The following NR6A1 variants were observed in gnomAD, a reference collection of about 807,000 sequenced individuals.
NR6A1 encodes the protein nuclear receptor subfamily 6 group A member 1.
NR6A1 carries 7 observed loss-of-function variants against 59.1 expected under a neutral mutation model. The observed-to-expected ratio is 0.12, with a 90% CI of 0.07 to 0.22. NR6A1 has a LOEUF of 0.22. NR6A1 is among the 10% of genes least tolerant of loss of function. NR6A1 has a pLI of 1.00. For missense variants in NR6A1, 468 were observed against 611.6 expected (o/e 0.77, Z 2.48); for synonymous variants, 243 against 236.1 (o/e 1.03, Z -0.27).
intron 2 of NR6A1, among the ~76,000 whole-genome samples, chr9:124,694,215 CTA>C (rs1838665669): frequency 6.6e-6 from 1 of 152,038 alleles, no homozygotes; most frequent in Non-Finnish European, 1.5e-5. Flanking sequence ...AATATCATAA[CTA>C]GAATTTATTT....
chr9:124,628,807 A>AT (rs1463496568), intron 2 of NR6A1, among the ~76,000 whole-genome samples: 1 of 151,952 alleles, frequency 6.6e-6, no homozygotes, highest in East Asian at 1.9e-4. Flanking sequence ...CGCCCGGCTA[A>AT]TTTTTTTGTT....
chr9:124,553,029 C>G (rs1833820384), intron 3 of NR6A1, among the ~76,000 whole-genome samples: 1 of 152,170 alleles, frequency 6.6e-6, no homozygotes, highest in African/African-American at 2.4e-5. Context: ...CCCCTAATAC[C>G]TTGCTGGGTA....
chr9:124,768,423 T>C (rs1841001623), intron 1 of NR6A1, among the ~76,000 whole-genome samples: 1 of 152,256 alleles, frequency 6.6e-6, no homozygotes, highest in South Asian at 2.1e-4. Flanking sequence ...TTGGCAATTC[T>C]TCTGTGAGCA....
Position 124,540,163 on chromosome 9 carries a change from T to A in NR6A1, c.466A>T (p.Ile156Phe). ...VQISEEEIER[I>F]MSGQEFEEEA... ...TCCTCAAACTCCTGCCCAGACATGA[T>A]CCTTTCGATTTCTTCTTCCGATATC... Residue 156 changes from isoleucine (I) to phenylalanine (F), a missense_variant, in exon 5 of 10, where the codon ATC becomes TTC. Transcript: ENST00000487099. 2 of 1,613,682 alleles carry A rather than the reference T, an allele frequency of 1.2e-6. No individual in the cohort carries two copies. The highest frequency in any genetic ancestry group is 1.7e-6 in the Non-Finnish European group (2 of 1,179,806).
At chr9:124,548,581 G>C (rs1261027939) in intron 3 of NR6A1, among the ~76,000 whole-genome samples, 1 of 152,142 alleles carries the variant, frequency 6.6e-6, no homozygotes, top group East Asian at 1.9e-4. Context: ...ATTTCTTTAA[G>C]ATTCTGCTCA....
chr9:124,628,665 G>C (rs1007596429), intron 2 of NR6A1, among the ~76,000 whole-genome samples: 2 of 150,814 alleles, frequency 1.3e-5, no homozygotes, highest in African/African-American at 2.4e-5. Context: ...TAAAGAGATG[G>C]AGTCTTGCTC....
At chr9:124,619,826 C>T (rs1236409046) in intron 2 of NR6A1, among the ~76,000 whole-genome samples, 1 of 152,126 alleles carries the variant, frequency 6.6e-6, no homozygotes, top group African/African-American at 2.4e-5. Flanking sequence ...CTTTGGGAGG[C>T]CGAGGCAGGT....
intron 2 of NR6A1, among the ~76,000 whole-genome samples, chr9:124,645,081 T>C (rs1342485120): frequency 1.3e-5 from 2 of 152,204 alleles, no homozygotes; most frequent in African/African-American, 4.8e-5. Flanking sequence ...GGATTGGTTA[T>C]AAATATATAC....
chr9:124,723,952 T>C (rs923820874), intron 2 of NR6A1, among the ~76,000 whole-genome samples: 4 of 152,198 alleles, frequency 2.6e-5, no homozygotes, highest in African/African-American at 9.6e-5. Flanking sequence ...TCATTCGAAA[T>C]GCAGACAAAA....
At chr9:124,656,551 C>T (rs1033365566) in intron 2 of NR6A1, among the ~76,000 whole-genome samples, 62 of 152,102 alleles carry the variant, frequency 4.1e-4, no homozygotes, top group African/African-American at 1.4e-3. Flanking sequence ...CAGACAGAGG[C>T]TAGGCACGGT....
intron 2 of NR6A1, among the ~76,000 whole-genome samples, chr9:124,727,438 AT>A (rs1360867569): frequency 3.3e-5 from 5 of 152,190 alleles, no homozygotes; most frequent in African/African-American, 1.2e-4. Context: ...CATTTGGAAG[AT>A]TTTTAAACTT....
chr9:124,617,010 A>T (rs1048325678), intron 2 of NR6A1, among the ~76,000 whole-genome samples: 2 of 152,214 alleles, frequency 1.3e-5, no homozygotes, highest in Non-Finnish European at 2.9e-5. Flanking sequence ...ACAAAAATAT[A>T]CGTATAAGGC....
chr9:124,534,565 G>C (rs1833197293), intron 7 of NR6A1, among the ~76,000 whole-genome samples: 1 of 152,132 alleles, frequency 6.6e-6, no homozygotes, highest in Non-Finnish European at 1.5e-5. Flanking sequence ...AAGGATACTG[G>C]ACAGCTGGGA....
At chr9:124,565,184 T>G (rs2131412079) in intron 2 of NR6A1, among the ~76,000 whole-genome samples, 1 of 152,126 alleles carries the variant, frequency 6.6e-6, no homozygotes, top group Non-Finnish European at 1.5e-5. Flanking sequence ...ATCCCAGCAC[T>G]TTGGGAGGCT....
chr9:124,619,973 A>G (rs948967748), intron 2 of NR6A1, among the ~76,000 whole-genome samples: 5 of 152,188 alleles, frequency 3.3e-5, no homozygotes, highest in Admixed American at 6.5e-5. Context: ...AGGCAGAAGA[A>G]TCGTTTGAAC....
At chr9:124,654,527 T>C (rs1468941488) in intron 2 of NR6A1, among the ~76,000 whole-genome samples, 1 of 152,156 alleles carries the variant, frequency 6.6e-6, no homozygotes, top group South Asian at 2.1e-4. Context: ...ATGAGAGCTC[T>C]TGCATTTCTT....
intron 2 of NR6A1, among the ~76,000 whole-genome samples, chr9:124,620,629 TAG>T (rs916792424): frequency 2.6e-5 from 4 of 152,136 alleles, no homozygotes; most frequent in Non-Finnish European, 4.4e-5. Flanking sequence ...GACAAATCTA[TAG>T]AGACAGTAGG....
At chr9:124,591,632 T>C (rs1429245380) in intron 2 of NR6A1, among the ~76,000 whole-genome samples, 2 of 152,208 alleles carry the variant, frequency 1.3e-5, no homozygotes, top group Non-Finnish European at 2.9e-5. Flanking sequence ...CACCAGCCGG[T>C]TGACTCCTGA....
intron 2 of NR6A1, among the ~76,000 whole-genome samples, chr9:124,652,883 G>A (rs1032509304): frequency 6.6e-6 from 1 of 152,184 alleles, no homozygotes; most frequent in African/African-American, 2.4e-5. Context: ...AATGAGTAGC[G>A]TCAGTTGTAT....
Sources: allele counts gnomAD v4.1 joint callset (sites outside exome capture counted in the v4.1 genomes callset), GRCh38; gene constraint gnomAD v4.1.1; transcripts MANE v1.5; gene names NCBI Gene and HGNC (gene_info 2026-07-23, HGNC 2026-07-21).